The following STPG4 variants were observed in gnomAD, a reference collection of about 807,000 sequenced individuals.
STPG4 encodes protein STPG4.
A neutral mutation model predicts 31.5 loss-of-function variants in STPG4; 41 were observed. The observed-to-expected ratio is 1.30, with a 90% CI of 1.01 to 1.69. The LOEUF is 1.69. Ranked by LOEUF, STPG4 falls within the 40% of genes most tolerant of loss-of-function variation. STPG4 has a pLI of 0.00. For synonymous variants in STPG4, 141 were observed against 103.0 expected (o/e 1.37, Z -2.24); for missense variants, 375 against 293.4 (o/e 1.28, Z -2.03).
At chr2:47,089,364 G>A (rs1456814299) in intron 6 of STPG4, among the ~76,000 whole-genome samples, 1 of 152,106 alleles carries the variant, frequency 6.6e-6, no homozygotes, top group Non-Finnish European at 1.5e-5. Flanking sequence ...GCAGCTCTGG[G>A]GCAGAGATTC....
intron 5 of STPG4, among the ~76,000 whole-genome samples, chr2:47,118,739 T>C (rs1686203431): frequency 6.6e-6 from 1 of 152,202 alleles, no homozygotes; most frequent in African/African-American, 2.4e-5. Flanking sequence ...ATAGAGATGA[T>C]AAATTAATAC....
intron 5 of STPG4, among the ~76,000 whole-genome samples, chr2:47,122,353 C>T (rs909152397): frequency 6.6e-6 from 1 of 152,014 alleles, no homozygotes; most frequent in African/African-American, 2.4e-5. Context: ...ATAATCAAAT[C>T]TAGTATTTAT....
intron 3 of STPG4, among the ~76,000 whole-genome samples, chr2:47,140,627 C>G (rs1686682515): frequency 6.6e-6 from 1 of 152,208 alleles, no homozygotes; most frequent in Admixed American, 6.5e-5. Flanking sequence ...GACCTCACTT[C>G]TCTTACAAGT....
At chr2:47,099,108 G>A (rs1468735551) in intron 5 of STPG4, among the ~76,000 whole-genome samples, 1 of 152,162 alleles carries the variant, frequency 6.6e-6, no homozygotes, top group Non-Finnish European at 1.5e-5. Flanking sequence ...CATGGGAGGG[G>A]CAACACCAAG....
At position 47,151,476 on chromosome 2, in the gene STPG4, T is replaced by G; in HGVS notation, c.181A>C (p.Ile61Leu). 6.2e-7 allele frequency: 1 copy of G among 1,613,990 alleles called. No individual in the cohort carries two copies. The highest frequency in any genetic ancestry group is 8.5e-7 in the Non-Finnish European group (1 of 1,179,840). The change falls in exon 3 of 7, where the codon ATT (isoleucine) becomes CTT (leucine). Residue 61 changes from isoleucine to leucine, a missense_variant. Coordinates refer to ENST00000445927, the MANE Select transcript of STPG4 (RefSeq NM_001163561.2). Reference protein sequence around the residue: ...IPGTYHLKTFIEESLLNPVIA... With the variant: ...IPGTYHLKTFLEESLLNPVIA... ...ACTGGATTTAATAGGGATTCTTCAATAAAAGTTTTCAAGTGGTAAGTGCCA... is the reference window on the plus strand; with the variant it reads ...ACTGGATTTAATAGGGATTCTTCAAGAAAAGTTTTCAAGTGGTAAGTGCCA...
chr2:47,105,732 C>G (rs1452812958), intron 5 of STPG4, among the ~76,000 whole-genome samples: 2 of 151,950 alleles, frequency 1.3e-5, no homozygotes, highest in Admixed American at 6.5e-5. Flanking sequence ...GGACCAGTGC[C>G]CAGTTAGCAG....
At chr2:47,117,336 A>T (rs1044765782) in intron 5 of STPG4, among the ~76,000 whole-genome samples, 1 of 152,014 alleles carries the variant, frequency 6.6e-6, no homozygotes, top group African/African-American at 2.4e-5. Flanking sequence ...CACCCTCCCG[A>T]GTAGCTGGGA....
intron 3 of STPG4, among the ~76,000 whole-genome samples, chr2:47,131,891 G>C (rs1336211044): frequency 6.6e-6 from 1 of 152,108 alleles, no homozygotes; most frequent in Non-Finnish European, 1.5e-5. Context: ...AAATAGACAG[G>C]AGAGGCTTAA....
chr2:47,110,333 C>A (rs1414479377), intron 5 of STPG4, among the ~76,000 whole-genome samples: 1 of 152,246 alleles, frequency 6.6e-6, no homozygotes, highest in East Asian at 1.9e-4. Flanking sequence ...GTGGCTCACG[C>A]CTGTAATCCC....
chr2:47,125,044 C>T (rs531220705), intron 5 of STPG4, among the ~76,000 whole-genome samples: 10 of 152,184 alleles, frequency 6.6e-5, no homozygotes, highest in Non-Finnish European at 8.8e-5. Flanking sequence ...CCGTTTTATA[C>T]ACCTGTTGGC....
chr2:47,097,093 G>C (rs867147946), intron 5 of STPG4, among the ~76,000 whole-genome samples: 15 of 152,140 alleles, frequency 9.9e-5, no homozygotes, highest in Admixed American at 6.5e-5. Flanking sequence ...GAGCAAGCAG[G>C]TAGAGACTGG....
Position 47,090,348 on chromosome 2 carries a change from A to T in STPG4, c.546T>A (p.Tyr182Ter). The T allele has an allele frequency of 1.3e-6, 2 of 1,552,044 alleles. No homozygotes were observed. Among genetic ancestry groups the T allele is most frequent in the Non-Finnish European group, 1.7e-6 (2 of 1,146,906 alleles). ...AGCTTGTTGGAGGCATTTTCACATT[A>T]TAATGACCTGGACCAGGGCCTTCAT... ...IPHEGPGPGH[Y>*]NVKMPPTSSV... The change falls in exon 6 of 7, where the codon TAT becomes TAA. Residue 182 changes from tyrosine to a stop codon, truncating the protein, a stop_gained. Coordinates refer to ENST00000445927, the MANE Select transcript of STPG4 (RefSeq NM_001163561.2). LOFTEE classifies it high-confidence loss of function.
intron 5 of STPG4, 43 bp downstream of exon 5, chr2:47,129,898 A>C (rs186164202): frequency 2.2e-4 from 359 of 1,599,280 alleles, no homozygotes; most frequent in Non-Finnish European, 2.9e-4. Context: ...GCGTATTTTA[A>C]ACATCAAATT....
chr2:47,120,428 A>C (rs1686244244), intron 5 of STPG4, among the ~76,000 whole-genome samples: 1 of 151,840 alleles, frequency 6.6e-6, no homozygotes, highest in Non-Finnish European at 1.5e-5. Flanking sequence ...ACCTGAAAGA[A>C]ATTTAGGATA....
At chr2:47,149,097 C>T (rs1036594851) in intron 3 of STPG4, among the ~76,000 whole-genome samples, 1 of 152,060 alleles carries the variant, frequency 6.6e-6, no homozygotes, top group Admixed American at 6.6e-5. Flanking sequence ...TATGTTTCCC[C>T]TTGTGAATAT....
At chr2:47,118,000 G>T (rs1246573388) in intron 5 of STPG4, among the ~76,000 whole-genome samples, 3 of 151,780 alleles carry the variant, frequency 2.0e-5, no homozygotes, top group Non-Finnish European at 4.4e-5. Context: ...GTCTCAAGGG[G>T]TCCTCCCACC....
At chr2:47,107,631 A>T (rs1164552743) in intron 5 of STPG4, among the ~76,000 whole-genome samples, 1 of 152,108 alleles carries the variant, frequency 6.6e-6, no homozygotes, top group African/African-American at 2.4e-5. Context: ...CATGGCACCC[A>T]GTCCCATCGA....
Position 47,127,252 on chromosome 2 carries a change from C to CTTTTTTTTTTTT in STPG4, c.519+2677_519+2688dup, listed in dbSNP as rs57475505. 1.6e-3 allele frequency among the ~76,000 whole-genome samples: 91 copies of CTTTTTTTTTTTT among 57,468 alleles called. 20 individuals are homozygous for CTTTTTTTTTTTT. The highest frequency in any genetic ancestry group is 2.7e-3 in the South Asian group (3 of 1,108). 37.7% of individuals were successfully genotyped at this position (57,468 alleles called of 152,430 possible). A position where few individuals can be genotyped will look rare whatever the true frequency, so the allele number is the denominator to read the frequency against. Reference sequence around the variant, plus strand: ...CAAATAGCTTGTCTTCAAGCTAATTCTTTTTTTTTTTTTTTTTTTTTTTTT... The same window carrying CTTTTTTTTTTTT: ...CAAATAGCTTGTCTTCAAGCTAATTCTTTTTTTTTTTTTTTTTTTTTTTTTTTTTTTTTTTTT... On this transcript the variant is annotated intron_variant, in intron 5 of 6. Coordinates refer to ENST00000445927, the MANE Select transcript of STPG4 (RefSeq NM_001163561.2).
At chr2:47,147,250 G>A (rs1686842483) in intron 3 of STPG4, among the ~76,000 whole-genome samples, 1 of 152,198 alleles carries the variant, frequency 6.6e-6, no homozygotes, top group Non-Finnish European at 1.5e-5. Context: ...GAGCAGTCAT[G>A]CAGCTACATG....
Sources: allele counts gnomAD v4.1 joint callset (sites outside exome capture counted in the v4.1 genomes callset), GRCh38; gene constraint gnomAD v4.1.1; transcripts MANE v1.5; gene names NCBI Gene and HGNC (gene_info 2026-07-23, HGNC 2026-07-21).